CPNE4: variants seen among roughly 807,000 people sequenced by gnomAD.
CPNE4 encodes the protein copine-4.
In CPNE4, 25 loss-of-function variants were observed where a neutral mutation model predicts 67.9. That is an observed-to-expected ratio of 0.37 (90% CI 0.27 to 0.51). CPNE4 has a LOEUF of 0.51. Ranked by LOEUF, CPNE4 falls within the 20% of genes least tolerant of loss-of-function variation. The probability of loss-of-function intolerance (pLI) is 0.93; values close to 1 mark genes in which losing one functional copy is unlikely to be tolerated. For synonymous variants in CPNE4, 242 were observed against 244.9 expected (o/e 0.99, Z 0.11); for missense variants, 464 against 690.8 (o/e 0.67, Z 3.68).
chr3:131,716,696 G>A (rs866861961), intron 3 of CPNE4, among the ~76,000 whole-genome samples: 14 of 152,216 alleles, frequency 9.2e-5, no homozygotes, highest in East Asian at 3.9e-4. Context: ...CCTCCATGCC[G>A]GGGGCTCTGT....
intron 2 of CPNE4, among the ~76,000 whole-genome samples, chr3:131,725,328 A>G (rs1180700419): frequency 6.6e-6 from 1 of 152,200 alleles, no homozygotes; most frequent in African/African-American, 2.4e-5. Flanking sequence ...ACTACCTGCC[A>G]TTATTGGTTG....
chr3:131,549,935 C>G lies in CPNE4; in HGVS notation c.1302+12G>C. ...TAAGCTCCCCTTAGGAGGCAAATAG[C>G]CCCCTCCTTACCGATGCCTCCTTGG... On this transcript the variant is annotated intron_variant, in intron 14 of 15. Coordinates refer to ENST00000429747, the MANE Select transcript of CPNE4 (RefSeq NM_130808.3). 6.2e-7 allele frequency: 1 copy of G among 1,612,512 alleles called. No individual in the cohort carries two copies. The highest frequency in any genetic ancestry group is 8.5e-7 in the Non-Finnish European group (1 of 1,179,022).
At chr3:131,885,876 T>C (rs1233256977) in intron 2 of CPNE4, among the ~76,000 whole-genome samples, 2 of 152,222 alleles carry the variant, frequency 1.3e-5, no homozygotes, top group Admixed American at 1.3e-4. Flanking sequence ...AAAGGTGACG[T>C]AGGTGCTATT....
intron 2 of CPNE4, among the ~76,000 whole-genome samples, chr3:131,843,374 A>T (rs1243572029): frequency 6.6e-6 from 1 of 152,244 alleles, no homozygotes; most frequent in Non-Finnish European, 1.5e-5. Flanking sequence ...CACACGTATT[A>T]TAGGAGCTGT....
chr3:131,633,943 A>C (rs1418012625), intron 7 of CPNE4, among the ~76,000 whole-genome samples: 1 of 152,080 alleles, frequency 6.6e-6, no homozygotes, highest in Non-Finnish European at 1.5e-5. Context: ...TGTTGTTACT[A>C]CTCACCTATG....
chr3:131,904,352 C>A (rs186326883), intron 2 of CPNE4, among the ~76,000 whole-genome samples: 8 of 152,188 alleles, frequency 5.3e-5, no homozygotes, highest in Admixed American at 5.2e-4. Context: ...TTTCTCCAGT[C>A]CTCAACCAAC....
At chr3:131,904,680 C>T (rs1012696974) in intron 2 of CPNE4, among the ~76,000 whole-genome samples, 3 of 152,052 alleles carry the variant, frequency 2.0e-5, no homozygotes, top group African/African-American at 7.2e-5. Context: ...CCCTCTACTG[C>T]AGACAGAGAT....
intron 2 of CPNE4, among the ~76,000 whole-genome samples, chr3:131,822,366 T>C (rs16837878): frequency 0.21 from 32,046 of 152,128 alleles, 3,702 homozygotes; most frequent in Admixed American, 0.33. Flanking sequence ...TGACTAACCC[T>C]AGCCTTCACT....
chr3:131,997,391 T>C (rs2073322006), intron 1 of CPNE4, among the ~76,000 whole-genome samples: 1 of 152,152 alleles, frequency 6.6e-6, no homozygotes, highest in Admixed American at 6.5e-5. Context: ...AGGGGACTCC[T>C]GAGAAATGGT....
At chr3:131,542,519 C>G in intron 15 of CPNE4, 38 bp downstream of exon 15, 2 of 1,413,194 alleles carry the variant, frequency 1.4e-6, no homozygotes, top group Non-Finnish European at 2.0e-6. Context: ...TTTGGTTCTG[C>G]TCTTCCATGA....
intron 7 of CPNE4, among the ~76,000 whole-genome samples, chr3:131,619,225 A>C (rs1326998440): frequency 6.6e-6 from 1 of 152,178 alleles, no homozygotes; most frequent in African/African-American, 2.4e-5. Flanking sequence ...TCACATGATT[A>C]AGCCCACCAT....
At chr3:131,954,114 C>G (rs1279540766) in intron 1 of CPNE4, among the ~76,000 whole-genome samples, 1 of 151,906 alleles carries the variant, frequency 6.6e-6, no homozygotes, top group African/African-American at 2.4e-5. Flanking sequence ...AAAGGAGAGA[C>G]ACAGCACACA....
intron 2 of CPNE4, among the ~76,000 whole-genome samples, chr3:131,827,157 C>A (rs2085194178): frequency 6.6e-6 from 1 of 152,152 alleles, no homozygotes; most frequent in Admixed American, 6.5e-5. Flanking sequence ...ACCATTAAGC[C>A]CTTTCAGCCC....
rs189556140 is a variant in CPNE4 at position 131,745,700 on chromosome 3, G to A, written c.181-22075C>T. ...TACCTTTGTCAAAAATCAATTTGGT[G>A]TAATTCTGTGGGTATATTTCTGGTT... On this transcript the variant is annotated intron_variant, in intron 2 of 15. Transcript: ENST00000429747. Among the ~76,000 whole-genome samples, 6 of 152,184 alleles carry A rather than the reference G, an allele frequency of 3.9e-5. No homozygotes were observed. In the East Asian group the frequency reaches 1.2e-3, roughly 29 times the overall value.
At chr3:131,894,627 C>T (rs1449621896) in intron 2 of CPNE4, among the ~76,000 whole-genome samples, 1 of 151,864 alleles carries the variant, frequency 6.6e-6, no homozygotes, top group African/African-American at 2.4e-5. Context: ...TTCAATATTA[C>T]TAATTATCAG....
chr3:131,971,057 G>A (rs2072486172), intron 1 of CPNE4, among the ~76,000 whole-genome samples: 1 of 152,228 alleles, frequency 6.6e-6, no homozygotes, highest in Non-Finnish European at 1.5e-5. Context: ...AGGTCACTCA[G>A]CGGTGTTCAT....
At chr3:131,574,984 T>C in intron 10 of CPNE4, 87 bp downstream of exon 10, 1 of 1,114,012 alleles carries the variant, frequency 9.0e-7, no homozygotes, top group South Asian at 1.3e-5. Context: ...TAATAAGCTT[T>C]TGTCTCTTTA....
At chr3:131,796,040 G>A (rs1340374097) in intron 2 of CPNE4, among the ~76,000 whole-genome samples, 2 of 152,112 alleles carry the variant, frequency 1.3e-5, no homozygotes, top group Non-Finnish European at 2.9e-5. Flanking sequence ...AATTCCATGG[G>A]AGTCATTTAA....
chr3:131,851,238 A>C (rs960856924), intron 2 of CPNE4, among the ~76,000 whole-genome samples: 8 of 152,132 alleles, frequency 5.3e-5, no homozygotes, highest in African/African-American at 1.9e-4. Context: ...ATTATCTATA[A>C]TGTTTGAAGG....
Sources: allele counts gnomAD v4.1 joint callset (sites outside exome capture counted in the v4.1 genomes callset), GRCh38; gene constraint gnomAD v4.1.1; transcripts MANE v1.5; gene names NCBI Gene and HGNC (gene_info 2026-07-23, HGNC 2026-07-21).